MICU1: variants seen among roughly 807,000 people sequenced by gnomAD.
MICU1 encodes the protein calcium uptake protein 1, mitochondrial.
In MICU1, 45 loss-of-function variants were observed where a neutral mutation model predicts 56.8. The ratio of observed to expected loss-of-function variants is 0.79; its 90% CI spans 0.62 to 1.02. MICU1 has a LOEUF of 1.02. MICU1 is among the 50% of genes least tolerant of loss of function. The pLI, the probability that MICU1 is intolerant of heterozygous loss-of-function variation, is 0.00. For missense variants in MICU1, 504 were observed against 587.1 expected (o/e 0.86, Z 1.46); for synonymous variants, 186 against 195.1 (o/e 0.95, Z 0.39).
intron 8 of MICU1, among the ~76,000 whole-genome samples, chr10:72,443,661 A>G (rs1334216168): frequency 6.6e-6 from 1 of 152,190 alleles, no homozygotes; most frequent in Admixed American, 6.6e-5. Context: ...GCAAATCAAA[A>G]CCACAATGAG....
At chr10:72,557,110 C>T (rs956918402) in intron 3 of MICU1, among the ~76,000 whole-genome samples, 1 of 151,980 alleles carries the variant, frequency 6.6e-6, no homozygotes, top group African/African-American at 2.4e-5. Context: ...TGATTCTTGG[C>T]CTTTCTTTTA....
intron 9 of MICU1, among the ~76,000 whole-genome samples, chr10:72,422,611 C>T (rs1864212232): frequency 6.6e-6 from 1 of 152,152 alleles, no homozygotes; most frequent in African/African-American, 2.4e-5. Flanking sequence ...GATGTTACCA[C>T]CTTTAGCTTA....
intron 8 of MICU1, among the ~76,000 whole-genome samples, chr10:72,424,436 T>A (rs760711684): frequency 1.2e-4 from 18 of 152,080 alleles, no homozygotes; most frequent in Non-Finnish European, 1.6e-4. Flanking sequence ...TTACTGAGTA[T>A]GTACTATGGG....
In MICU1 at chr10:72,511,972, A is replaced by G. The variant is rs116284546; in HGVS notation, c.538-3703T>C. Among the ~76,000 whole-genome samples, 1,136 of 151,936 alleles carry G rather than the reference A, an allele frequency of 7.5e-3. 14 individuals carry two copies. Among genetic ancestry groups the G allele is most frequent in the African/African-American group, 0.026 (1,070 of 41,408 alleles). On this transcript the variant is annotated intron_variant, in intron 5 of 11. Transcript: ENST00000361114. ...CACACACTAGTCTCCTCACCCTAAC[A>G]CCCAAAATAATGCTTTACCAGGTTT...
chr10:72,479,014 C>T (rs1462932559), intron 6 of MICU1, among the ~76,000 whole-genome samples: 4 of 152,176 alleles, frequency 2.6e-5, no homozygotes, highest in African/African-American at 9.7e-5. Flanking sequence ...TGCTACCTGT[C>T]TGAATGTTAC....
intron 1 of MICU1, among the ~76,000 whole-genome samples, chr10:72,610,938 C>A (rs200893724): frequency 1.3e-5 from 2 of 151,936 alleles, no homozygotes; most frequent in Non-Finnish European, 2.9e-5. Context: ...TTTATCAGTA[C>A]AAAGAAAAAC....
chr10:72,418,556 G>A (rs1236456417), intron 9 of MICU1, among the ~76,000 whole-genome samples: 1 of 152,150 alleles, frequency 6.6e-6, no homozygotes, highest in Non-Finnish European at 1.5e-5. Flanking sequence ...TAACAAGGCT[G>A]TTAGAAAGGA....
intron 8 of MICU1, among the ~76,000 whole-genome samples, chr10:72,455,269 G>T (rs970154045): frequency 7.1e-6 from 1 of 140,866 alleles, no homozygotes; most frequent in African/African-American, 2.6e-5. Context: ...GGAAAAGCTT[G>T]AACCCGGGAG....
intron 1 of MICU1, among the ~76,000 whole-genome samples, chr10:72,613,421 T>C (rs1369952898): frequency 2.6e-5 from 4 of 151,802 alleles, no homozygotes; most frequent in African/African-American, 9.7e-5. Context: ...ACTACAGGGA[T>C]GTGCCACCAC....
chr10:72,463,181 A>C (rs1865690589), intron 8 of MICU1, among the ~76,000 whole-genome samples: 2 of 151,908 alleles, frequency 1.3e-5, no homozygotes, highest in Non-Finnish European at 2.9e-5. Context: ...GTCCTGCCTC[A>C]GCCTCCCGAG....
At chr10:72,589,689 C>T (rs1019565282) in intron 1 of MICU1, among the ~76,000 whole-genome samples, 3 of 151,538 alleles carry the variant, frequency 2.0e-5, no homozygotes, top group Admixed American at 1.3e-4. Flanking sequence ...TTAATGAATA[C>T]AAAAATAGGT....
chr10:72,454,139 T>G (rs1344209007), intron 8 of MICU1, among the ~76,000 whole-genome samples: 1 of 151,968 alleles, frequency 6.6e-6, no homozygotes, highest in Non-Finnish European at 1.5e-5. Context: ...GCCCCAACAT[T>G]CCTTTAGATT....
At chr10:72,553,234 C>CTTT (rs35593530) in intron 3 of MICU1, among the ~76,000 whole-genome samples, 1 of 129,034 alleles carries the variant, frequency 7.7e-6, no homozygotes, top group Non-Finnish European at 1.7e-5. Flanking sequence ...TACCTTTCTT[C>CTTT]TTTTTTTTTT....
chr10:72,492,352 C>T (rs774458707), intron 6 of MICU1, among the ~76,000 whole-genome samples: 17 of 152,130 alleles, frequency 1.1e-4, no homozygotes, highest in Non-Finnish European at 1.5e-4. Context: ...ATGAGAATGT[C>T]TTAGACATGG....
intron 6 of MICU1, among the ~76,000 whole-genome samples, chr10:72,494,492 T>C (rs906429116): frequency 2.0e-5 from 3 of 152,070 alleles, no homozygotes; most frequent in African/African-American, 7.2e-5. Context: ...TGTTTGAAAA[T>C]CCTAAGACAA....
chr10:72,519,237 A>C (rs1046333860), intron 5 of MICU1, among the ~76,000 whole-genome samples: 1 of 152,344 alleles, frequency 6.6e-6, no homozygotes, highest in African/African-American at 2.4e-5. Context: ...AATGAACAAA[A>C]TATAACTGTT....
intron 4 of MICU1, among the ~76,000 whole-genome samples, chr10:72,542,570 G>A (rs1411691971): frequency 5.9e-5 from 9 of 152,304 alleles, no homozygotes; most frequent in African/African-American, 1.7e-4. Context: ...AACGCCGTAC[G>A]GGCCACGCAG....
chr10:72,581,325 T>C (rs912747006), intron 1 of MICU1, among the ~76,000 whole-genome samples: 1 of 152,146 alleles, frequency 6.6e-6, no homozygotes, highest in African/African-American at 2.4e-5. Flanking sequence ...GCATCTGTTA[T>C]GCCTGTATTT....
At chr10:72,598,786 C>A (rs1370659599) in intron 1 of MICU1, among the ~76,000 whole-genome samples, 4 of 152,026 alleles carry the variant, frequency 2.6e-5, no homozygotes, top group Non-Finnish European at 4.4e-5. Context: ...AAAATTTATT[C>A]CTAAATATTA....
Sources: gnomAD v4.1 joint callset for allele counts (sites outside exome capture counted in the v4.1 genomes callset) on GRCh38, gnomAD v4.1.1 for gene constraint, MANE v1.5 for transcripts, NCBI Gene and HGNC (gene_info 2026-07-23, HGNC 2026-07-21) for gene names.